KLF17: variants seen among roughly 807,000 people sequenced by gnomAD.
KLF17 encodes Krueppel-like factor 17.
Under a neutral mutation model 34.2 loss-of-function variants are expected in KLF17, and 31 were observed. The ratio of observed to expected loss-of-function variants is 0.91; its 90% CI spans 0.68 to 1.22. KLF17 has a LOEUF of 1.22. Among genes scored for constraint, KLF17 ranks in the 50% most tolerant of loss-of-function variants. The pLI, the probability that KLF17 is intolerant of heterozygous loss-of-function variation, is 0.00. For missense variants in KLF17, 478 were observed against 505.2 expected, an observed-to-expected ratio of 0.95 and a Z score of 0.52; for synonymous variants, 179 against 186.7, an observed-to-expected ratio of 0.96 and a Z score of 0.34.
Position 44,130,017 on chromosome 1 carries a change from C to T in KLF17, c.746C>T (p.Pro249Leu). 6.2e-7 allele frequency: 1 copy of T among 1,614,218 alleles called. No homozygotes were observed. Among genetic ancestry groups the T allele is most frequent in the Non-Finnish European group, 8.5e-7 (1 of 1,180,040 alleles). ...LVSQPDSQEG[P>L]FLPEQPGPAP... Reference sequence around the variant, plus strand: ...AGTCAGCCAGACTCTCAAGAAGGCCCATTTCTACCAGAGCAGCCCGGACCT... The same window carrying T: ...AGTCAGCCAGACTCTCAAGAAGGCCTATTTCTACCAGAGCAGCCCGGACCT... The change falls in exon 2 of 4, where the codon CCA (proline) becomes CTA (leucine). Residue 249 changes from proline (P) to leucine (L), a missense_variant. By Grantham distance (98) the Pro-to-Leu change is moderately conservative. Transcript: ENST00000372299.
At chr1:44,131,555 G>A (rs904899525) in intron 3 of KLF17, among the ~76,000 whole-genome samples, 2 of 152,128 alleles carry the variant, frequency 1.3e-5, no homozygotes, top group Non-Finnish European at 2.9e-5. Flanking sequence ...CACATATACT[G>A]CATCATTCTC....
At chr1:44,099,170 G>A in the KLF17 span, among the ~76,000 whole-genome samples, 22 of 151,038 alleles carry the variant, frequency 1.5e-4, no homozygotes, top group Non-Finnish European at 3.0e-4. Flanking sequence ...TTGGGAGACT[G>A]AGGCTGGAGG....
chr1:44,112,057 G>A, the KLF17 span, among the ~76,000 whole-genome samples: 1 of 152,138 alleles, frequency 6.6e-6, no homozygotes, highest in African/African-American at 2.4e-5. Flanking sequence ...GATTTATGAT[G>A]ACACATGACA....
the KLF17 span, among the ~76,000 whole-genome samples, chr1:44,103,101 G>GA: frequency 2.0e-5 from 3 of 152,148 alleles, no homozygotes; most frequent in Non-Finnish European, 4.4e-5. Context: ...ACACAAAAAA[G>GA]AAAAAAGCAA....
At chr1:44,091,988 CTCT>C in the KLF17 span, among the ~76,000 whole-genome samples, 1 of 140,180 alleles carries the variant, frequency 7.1e-6, no homozygotes. Context: ...CTCTCTCTCT[CTCT>C]GCCCACTTCC....
At chr1:44,104,927 C>T in the KLF17 span, 3 of 155,914 alleles carry the variant, frequency 1.9e-5, no homozygotes, top group African/African-American at 7.3e-5. Flanking sequence ...GCAGCATAGC[C>T]AAACCCTGTC....
chr1:44,133,634 CAAG>C lies in KLF17; in HGVS notation c.*402_*404del, dbSNP rs2088136874. 1 of 152,262 alleles carries C rather than the reference CAAG, an allele frequency of 6.6e-6. No individual in the cohort carries two copies. The highest frequency in any genetic ancestry group is 1.5e-5 in the Non-Finnish European group (1 of 68,098). The allele number at this position is 152,262 out of a possible 1,614,324, so 9.4% of individuals were successfully genotyped here. A position where few individuals can be genotyped will look rare whatever the true frequency, so the allele number is the denominator to read the frequency against. On this transcript the variant is annotated 3_prime_UTR_variant, in exon 4 of 4. Transcript: ENST00000372299. ...CATTTATGAATGTGCCCAGTGCTGC[CAAG>C]AAGAGAAGCCGGTCCTCTGCAGGCT...
the KLF17 span, among the ~76,000 whole-genome samples, chr1:44,095,934 G>C: frequency 6.6e-6 from 1 of 151,724 alleles, no homozygotes. Flanking sequence ...GGAGTTTTTT[G>C]TTTGTTTGTT....
chr1:44,057,660 A>G, the KLF17 span, among the ~76,000 whole-genome samples: 23 of 152,356 alleles, frequency 1.5e-4, no homozygotes, highest in Admixed American at 2.6e-4. Context: ...GTTGCTAGAA[A>G]ACAACAAACT....
the KLF17 span, among the ~76,000 whole-genome samples, chr1:44,053,158 C>G: frequency 6.6e-6 from 1 of 152,184 alleles, no homozygotes; most frequent in Non-Finnish European, 1.5e-5. Context: ...GCCTTGGCCT[C>G]TCAAAGTGCT....
intron 1 of KLF17, among the ~76,000 whole-genome samples, chr1:44,122,892 C>T (rs1423345379): frequency 6.6e-6 from 1 of 152,158 alleles, no homozygotes; most frequent in Non-Finnish European, 1.5e-5. Flanking sequence ...AGCCACTGCA[C>T]CTGGCAGCAA....
Position 44,118,934 on chromosome 1 carries a change from G to A in KLF17, c.27G>A (p.Met9Ile), listed in dbSNP as rs777044721. Reference protein sequence around the residue: MYGRPQAEMEQEAGELSRW... With the variant: MYGRPQAEIEQEAGELSRW... The stretch of plus-strand genomic sequence containing the variant: ...TGTACGGCCGACCGCAGGCTGAGAT[G>A]GAACAGGAGGCTGGGGAGCTGAGCC... The change falls in exon 1 of 4, where the codon ATG becomes ATA. Residue 9 changes from methionine (M) to isoleucine (I), a missense_variant. Met to Ile is a conservative substitution (Grantham distance 10). Coordinates refer to ENST00000372299, the MANE Select transcript of KLF17 (RefSeq NM_173484.4). 8 of 1,612,352 alleles carry A rather than the reference G, an allele frequency of 5.0e-6. No individual in the cohort carries two copies. Among genetic ancestry groups the A allele is most frequent in the Non-Finnish European group, 6.8e-6 (8 of 1,179,364 alleles).
chr1:44,083,109 T>TA, the KLF17 span, among the ~76,000 whole-genome samples: 4 of 151,080 alleles, frequency 2.6e-5, no homozygotes, highest in East Asian at 5.8e-4. Flanking sequence ...CCCAGCTAAT[T>TA]AAAAAAAAAT....
chr1:44,106,693 G>A, the KLF17 span: 2 of 152,100 alleles, frequency 1.3e-5, no homozygotes, highest in African/African-American at 4.8e-5. Flanking sequence ...GAAGCAGGAG[G>A]GAATAAAAAG....
At chr1:44,128,961 A>C (rs1017117568) in intron 1 of KLF17, among the ~76,000 whole-genome samples, 3 of 152,134 alleles carry the variant, frequency 2.0e-5, no homozygotes, top group Non-Finnish European at 4.4e-5. Context: ...GTGGTGAGCC[A>C]AGATCACGCC....
At chr1:44,058,720 C>T in the KLF17 span, among the ~76,000 whole-genome samples, 6 of 116,528 alleles carry the variant, frequency 5.1e-5, no homozygotes, top group Admixed American at 2.3e-4. Context: ...GACGGAGTCT[C>T]GCTCAGTCAC....
chr1:44,121,938 C>T (rs1173541952), intron 1 of KLF17, among the ~76,000 whole-genome samples: 1 of 152,220 alleles, frequency 6.6e-6, no homozygotes. Flanking sequence ...AGTTCCCTAC[C>T]AGCCATTCAC....
the KLF17 span, among the ~76,000 whole-genome samples, chr1:44,107,959 G>A: frequency 6.6e-6 from 1 of 152,308 alleles, no homozygotes; most frequent in African/African-American, 2.4e-5. Context: ...TTGGATAAGA[G>A]AGGACTAGTG....
intron 1 of KLF17, among the ~76,000 whole-genome samples, chr1:44,129,079 G>A (rs1185350498): frequency 1.3e-5 from 2 of 152,038 alleles, no homozygotes; most frequent in Admixed American, 1.3e-4. Context: ...GTAGGTTATG[G>A]ACTGTTTTAT....
Sources: gnomAD v4.1 joint callset for allele counts (sites outside exome capture counted in the v4.1 genomes callset) on GRCh38, gnomAD v4.1.1 for gene constraint, MANE v1.5 for transcripts, NCBI Gene and HGNC (gene_info 2026-07-23, HGNC 2026-07-21) for gene names.